The following SEPTIN9 variants were observed in gnomAD, a reference collection of about 807,000 sequenced individuals.
The protein encoded by SEPTIN9 is septin-9.
In SEPTIN9, 13 loss-of-function variants were observed where a neutral mutation model predicts 56.6. The observed-to-expected ratio is 0.23, with a 90% confidence interval of 0.15 to 0.37. SEPTIN9 has a LOEUF of 0.37. SEPTIN9 is among the 10% of genes least tolerant of loss of function. The pLI, the probability that SEPTIN9 is intolerant of heterozygous loss-of-function variation, is 1.00. For missense variants in SEPTIN9, 650 were observed against 823.1 expected (o/e 0.79, Z 2.57); for synonymous variants, 332 against 334.1 (o/e 0.99, Z 0.07).
intron 1 of SEPTIN9, among the ~76,000 whole-genome samples, chr17:77,282,773 G>A (rs2031089669): frequency 6.6e-6 from 1 of 152,230 alleles, no homozygotes; most frequent in Non-Finnish European, 1.5e-5. Flanking sequence ...GTGCTGGTGG[G>A]CGGGAGCGGG....
In SEPTIN9 at chr17:77,492,598, ATC is replaced by A; in HGVS notation, c.1381-16_1381-15del. The A allele has an allele frequency of 6.2e-7, 1 of 1,608,704 alleles. No individual in the cohort carries two copies. The highest frequency in any genetic ancestry group is 8.5e-7 in the Non-Finnish European group (1 of 1,175,330). Reference sequence around the variant, plus strand: ...TAGAGCTTGCCACAGGGATGGGCCCATCTCTCTCCCTCCTTATCCCAGATCAC... The same window carrying A: ...TAGAGCTTGCCACAGGGATGGGCCCATCTCTCCCTCCTTATCCCAGATCAC... On this transcript the variant is annotated intron_variant, in intron 8 of 11. Transcript: ENST00000427177. This position sits in a 1 kb window ranked among gnomAD's most constrained non-coding sequence, Gnocchi z 5.4.
At chr17:77,390,729 G>A (rs912623888) in intron 2 of SEPTIN9, among the ~76,000 whole-genome samples, 3 of 152,168 alleles carry the variant, frequency 2.0e-5, no homozygotes, top group Non-Finnish European at 4.4e-5. Context: ...GGGATTACAG[G>A]CGTGAGCCGC....
chr17:77,382,311 G>A (rs2035172494), intron 2 of SEPTIN9, among the ~76,000 whole-genome samples: 1 of 152,258 alleles, frequency 6.6e-6, no homozygotes, highest in African/African-American at 2.4e-5. Flanking sequence ...TTACAGGTGT[G>A]AGCCACTGCG....
rs189134189 is a variant in SEPTIN9 at position 77,342,987 on chromosome 17, A to G, written c.76+35790A>G. 4.5e-3 allele frequency among the ~76,000 whole-genome samples: 596 copies of G among 131,446 alleles called. 13 individuals are homozygous for G. Among genetic ancestry groups the G allele is most frequent in the Admixed American group, 0.044 (525 of 12,020 alleles). The allele number at this position is 131,446 out of a possible 152,430, so 86.2% of individuals were successfully genotyped here. A position where few individuals can be genotyped will look rare whatever the true frequency, so the allele number is the denominator to read the frequency against. On this transcript the variant is annotated intron_variant, in intron 2 of 11. Transcript: ENST00000427177. ...GAGACTCTGTCTCAAAAATCAATGT[A>G]TCTGTCTGTCTGTCTGTCTATCTAT...
chr17:77,384,842 A>AAC (rs146495461), intron 2 of SEPTIN9, among the ~76,000 whole-genome samples: 6,633 of 142,148 alleles, frequency 0.047, 146 homozygotes, highest in South Asian at 0.088. Context: ...AACCTGTTTA[A>AAC]ACACACACAC....
At chr17:77,339,789 C>G (rs1318155841) in intron 2 of SEPTIN9, among the ~76,000 whole-genome samples, 1 of 150,184 alleles carries the variant, frequency 6.7e-6, no homozygotes, top group Non-Finnish European at 1.5e-5. Flanking sequence ...GGACTACAGG[C>G]ATGAGCCACT....
intron 3 of SEPTIN9, among the ~76,000 whole-genome samples, chr17:77,474,358 G>T (rs142544362): frequency 6.6e-6 from 1 of 152,238 alleles, no homozygotes; most frequent in African/African-American, 2.4e-5. Context: ...CCCCCAGCCC[G>T]GCCCAGTAGC....
At chr17:77,372,493 C>G (rs2143908169) in intron 2 of SEPTIN9, among the ~76,000 whole-genome samples, 1 of 152,326 alleles carries the variant, frequency 6.6e-6, no homozygotes, top group South Asian at 2.1e-4. Context: ...GGGCAGCTCC[C>G]TTTCTGCTCA....
rs544548605 is a variant in SEPTIN9 at position 77,449,594 on chromosome 17, G to T, written c.722-32550G>T. ...GGAGGGAGAGGCCCACGGGGCAGGG[G>T]CGTGGTGGGAGCTGCATCCTCGAGG... On this transcript the variant is annotated intron_variant, in intron 3 of 11. Transcript: ENST00000427177. The surrounding 1 kb of genome is among the most constrained non-coding windows in gnomAD (Gnocchi z 4.6). 1.0e-3 allele frequency among the ~76,000 whole-genome samples: 153 copies of T among 152,360 alleles called. No individual in the cohort carries two copies. Among genetic ancestry groups the T allele is most frequent in the African/African-American group, 3.4e-3 (143 of 41,588 alleles).
chr17:77,461,840 G>A lies in SEPTIN9; in HGVS notation c.722-20304G>A, dbSNP rs142690007. Among the ~76,000 whole-genome samples the A allele has an allele frequency of 5.6e-4, 85 of 152,326 alleles. 1 individual carries two copies. In the South Asian group the frequency reaches 7.2e-3, roughly 13 times the overall value. ...GAGACACGGGAGAGCCCATGTTGCG[G>A]CTCTGGTGTCCACCTGAAGGCCCAA... On this transcript the variant is annotated intron_variant, in intron 3 of 11. Coordinates refer to ENST00000427177, the MANE Select transcript of SEPTIN9 (RefSeq NM_001113491.2).
In SEPTIN9 at chr17:77,404,914, G is replaced by T. The variant is rs534217229; in HGVS notation, c.721+2211G>T. Among the ~76,000 whole-genome samples the T allele has an allele frequency of 1.1e-4, 16 of 152,340 alleles. No homozygotes were observed. The Middle Eastern group carries it at 0.01, about 97-fold the overall frequency. ...CTGGTGGCATGGTGTCAGGCCAAAG[G>T]CATGGGCAGTTTGCAGAGTGGCAGG... On this transcript the variant is annotated intron_variant, in intron 3 of 11. Coordinates refer to ENST00000427177, the MANE Select transcript of SEPTIN9 (RefSeq NM_001113491.2).
At chr17:77,444,385 C>T (rs991019526) in intron 3 of SEPTIN9, among the ~76,000 whole-genome samples, 2 of 151,796 alleles carry the variant, frequency 1.3e-5, no homozygotes, top group Non-Finnish European at 2.9e-5. Context: ...AGGGTGGAAA[C>T]TAACCTTGTG....
chr17:77,475,692 T>TACCC lies in SEPTIN9; in HGVS notation c.722-6452_722-6451insACCC, dbSNP rs746179114. The TACCC allele has an allele frequency of 3.1e-6, 5 of 1,613,128 alleles. No homozygotes were observed. In the African/African-American group the frequency reaches 6.7e-5, roughly 22 times the overall value. On this transcript the variant is annotated intron_variant, in intron 3 of 11. Coordinates refer to ENST00000427177, the MANE Select transcript of SEPTIN9 (RefSeq NM_001113491.2). This position sits in a 1 kb window ranked among gnomAD's most constrained non-coding sequence, Gnocchi z 4.6. The stretch of plus-strand genomic sequence containing the variant: ...CTGCTGGGCCCACGCTGGGCCGGGG[T>TACCC]GGATGGAGGCAAGGAAGTCTTCGCC...
chr17:77,373,582 G>C (rs767127424), intron 2 of SEPTIN9: 1 of 1,540,588 alleles, frequency 6.5e-7, no homozygotes, highest in South Asian at 1.2e-5. Flanking sequence ...CTGCGGCCGC[G>C]GACGTGCTGG....
Position 77,402,105 on chromosome 17 carries a change from C to T in SEPTIN9, c.123C>T (p.Ser41=), listed in dbSNP as rs1198553977. The change falls in exon 3 of 12, where the codon TCC becomes TCT. Residue 41 remains serine (S), a synonymous_variant. Transcript: ENST00000427177. This position sits in a 1 kb window ranked among gnomAD's most constrained non-coding sequence, Gnocchi z 6.6. The part of the protein sequence containing the change: ...FEVEEVETPN[S]TPPRRVQTPL... ...TCGAGGAGGTCGAGACACCCAACTC[C>T]ACCCCACCCCGGAGGGTCCAGACTC... 2 of 1,613,812 alleles carry T rather than the reference C, an allele frequency of 1.2e-6. No homozygotes were observed. The highest frequency in any genetic ancestry group is 1.1e-5 in the South Asian group (1 of 91,090).
At chr17:77,416,878 A>G (rs2036526802) in intron 3 of SEPTIN9, among the ~76,000 whole-genome samples, 1 of 152,230 alleles carries the variant, frequency 6.6e-6, no homozygotes, top group South Asian at 2.1e-4. Context: ...CATGGGCTCC[A>G]TTCCATGTGC....
Position 77,451,810 on chromosome 17 carries a change from T to C in SEPTIN9, c.722-30334T>C, listed in dbSNP as rs1348839293. Among the ~76,000 whole-genome samples, 1 of 152,252 alleles carries C rather than the reference T, an allele frequency of 6.6e-6. No homozygotes were observed. Among genetic ancestry groups the C allele is most frequent in the Admixed American group, 6.5e-5 (1 of 15,292 alleles). ...TTTGTAAATATTTGGCCAACTAAGC[T>C]GAGTGGCTAAGTTCTCCTGCTGCCC... On this transcript the variant is annotated intron_variant, in intron 3 of 11. Transcript: ENST00000427177. This position sits in a 1 kb window ranked among gnomAD's most constrained non-coding sequence, Gnocchi z 4.2.
intron 2 of SEPTIN9, among the ~76,000 whole-genome samples, chr17:77,381,615 T>A (rs1038497257): frequency 1.2e-4 from 19 of 152,258 alleles, no homozygotes; most frequent in Middle Eastern, 3.2e-3. Context: ...CCTCTGCCTC[T>A]TGCCCCCCAT....
intron 3 of SEPTIN9, among the ~76,000 whole-genome samples, chr17:77,464,358 G>T (rs527770424): frequency 1.3e-5 from 2 of 152,166 alleles, no homozygotes; most frequent in Admixed American, 1.3e-4. Flanking sequence ...GATTACAGGC[G>T]TGAGCCACCA....
Sources: allele counts gnomAD v4.1 joint callset (sites outside exome capture counted in the v4.1 genomes callset), GRCh38; gene constraint gnomAD v4.1.1; non-coding constraint Gnocchi (gnomAD v3.1); transcripts MANE v1.5; gene names NCBI Gene and HGNC (gene_info 2026-07-23, HGNC 2026-07-21).